KDM4B: variants seen among roughly 807,000 people sequenced by gnomAD.
KDM4B encodes the protein lysine demethylase 4B.
A neutral mutation model predicts 125.2 loss-of-function variants in KDM4B; 32 were observed. That is an observed-to-expected ratio of 0.26 (90% CI 0.19 to 0.34). KDM4B has a LOEUF of 0.34. Ranked by LOEUF, KDM4B falls within the 10% of genes least tolerant of loss-of-function variation. The probability of loss-of-function intolerance (pLI) is 1.00; values close to 1 mark genes in which losing one functional copy is unlikely to be tolerated. For synonymous variants in KDM4B, 721 were observed against 677.9 expected (o/e 1.06, Z -0.99); for missense variants, 1,190 against 1,577.7 (o/e 0.75, Z 4.16).
chr19:5,007,817 T>C (rs1380985733), intron 1 of KDM4B, among the ~76,000 whole-genome samples: 1 of 152,202 alleles, frequency 6.6e-6, no homozygotes, highest in Non-Finnish European at 1.5e-5. Context: ...CCTGCCAAAG[T>C]GCTGGGATTA....
chr19:5,020,091 G>T (rs935762455), intron 2 of KDM4B, among the ~76,000 whole-genome samples: 16 of 143,876 alleles, frequency 1.1e-4, no homozygotes, highest in Non-Finnish European at 2.3e-4. Context: ...GTGGATGTTG[G>T]TGTGCAGGTG....
chr19:4,986,757 A>G (rs866662070), intron 1 of KDM4B, among the ~76,000 whole-genome samples: 43 of 152,316 alleles, frequency 2.8e-4, no homozygotes, highest in African/African-American at 1.0e-3. Context: ...ATTTGGGACA[A>G]GAGTGCTCCA....
intron 3 of KDM4B, among the ~76,000 whole-genome samples, chr19:5,039,188 G>A (rs961301495): frequency 1.7e-4 from 26 of 152,202 alleles, no homozygotes; most frequent in African/African-American, 6.0e-4. Context: ...TCACATCTGT[G>A]ATCCCAGCAC....
rs200324591 is a variant in KDM4B, at chr19:5,077,386, G to A, written c.696G>A (p.Ser232=). 109 of 1,613,018 alleles carry A rather than the reference G, an allele frequency of 6.8e-5. No individual in the cohort carries two copies. In the African/African-American group the frequency reaches 1.1e-3, roughly 17 times the overall value. Residue 232 remains serine (S), a synonymous_variant, in exon 8 of 23, where the codon TCG becomes TCA. Coordinates refer to ENST00000159111, the MANE Select transcript of KDM4B (RefSeq NM_015015.3). ...CCCTAGGCTTCTTCCCCGGGAGCTCGCAGGGCTGCGACGCCTTCCTGCGGC... is the reference window on the plus strand; with the variant it reads ...CCCTAGGCTTCTTCCCCGGGAGCTCACAGGGCTGCGACGCCTTCCTGCGGC... The part of the protein sequence containing the change: ...RLAIGFFPGS[S]QGCDAFLRHK...
intron 9 of KDM4B, among the ~76,000 whole-genome samples, chr19:5,089,445 C>T (rs1312879007): frequency 1.3e-5 from 2 of 152,100 alleles, no homozygotes; most frequent in East Asian, 3.8e-4. Flanking sequence ...TGTTATGCAG[C>T]TGTGAAAATG....
intron 1 of KDM4B, among the ~76,000 whole-genome samples, chr19:4,992,644 C>G (rs1376588356): frequency 6.6e-6 from 1 of 152,074 alleles, no homozygotes; most frequent in African/African-American, 2.4e-5. Context: ...GAGAGGAGGT[C>G]TCACTATATT....
At chr19:5,060,840 G>C (rs1036242321) in intron 6 of KDM4B, among the ~76,000 whole-genome samples, 3 of 152,228 alleles carry the variant, frequency 2.0e-5, no homozygotes, top group African/African-American at 4.8e-5. Flanking sequence ...TGGCGAGGCT[G>C]AGGGAAAAAC....
intron 6 of KDM4B, among the ~76,000 whole-genome samples, chr19:5,060,433 C>CA (rs901472663): frequency 0.047 from 1,531 of 32,890 alleles, 145 homozygotes; most frequent in Non-Finnish European, 0.076. Flanking sequence ...ACTCTGTCTC[C>CA]AAAAAAAAAA....
intron 13 of KDM4B, 65 bp downstream of exon 13, chr19:5,132,072 G>C (rs900368746): frequency 6.0e-6 from 9 of 1,491,648 alleles, no homozygotes; most frequent in African/African-American, 1.4e-5. Context: ...CTGCTGGAGG[G>C]GGGGCCTGGC....
intron 2 of KDM4B, among the ~76,000 whole-genome samples, chr19:5,021,231 C>T (rs1332005488): frequency 1.3e-5 from 2 of 151,982 alleles, no homozygotes; most frequent in Non-Finnish European, 2.9e-5. Flanking sequence ...GCCACTCTGA[C>T]ATCATGTGCT....
intron 21 of KDM4B, among the ~76,000 whole-genome samples, chr19:5,148,993 G>A (rs1382127203): frequency 1.3e-5 from 2 of 152,238 alleles, no homozygotes; most frequent in Admixed American, 1.3e-4. Flanking sequence ...CCATCTGAGA[G>A]TCCACACTGG....
chr19:5,111,345 C>G (rs1023811284), intron 10 of KDM4B: 1 of 755,096 alleles, frequency 1.3e-6, no homozygotes, highest in Admixed American at 1.7e-5. Context: ...GGCCCCGGGG[C>G]GTGACCCTGG....
rs1337488576 is a variant in KDM4B, at chr19:5,114,352, C to T, written c.1115+3534C>T. 3 of 712,788 alleles carry T rather than the reference C, an allele frequency of 4.2e-6. No homozygotes were observed. Among genetic ancestry groups the T allele is most frequent in the South Asian group, 1.4e-5 (1 of 69,568 alleles). 44.2% of individuals were successfully genotyped at this position (712,788 alleles called of 1,614,324 possible). The stretch of plus-strand genomic sequence containing the variant: ...CTCCGAGCTCGGTGCTGCCTGTCCC[C>T]TCCTGCTCTGCCTTGGCCTGTCGCC... On this transcript the variant is annotated intron_variant, in intron 10 of 22. Transcript: ENST00000159111. This position sits in a 1 kb window ranked among gnomAD's most constrained non-coding sequence, Gnocchi z 5.8.
intron 9 of KDM4B, among the ~76,000 whole-genome samples, chr19:5,093,253 C>T (rs556965216): frequency 1.3e-5 from 2 of 152,302 alleles, no homozygotes; most frequent in South Asian, 2.1e-4. Context: ...CTGATAGACT[C>T]GAGGCTACTT....
rs1324942366 is a variant in KDM4B at position 5,035,910 on chromosome 19, A to G, written c.141+2879A>G. Reference sequence around the variant, plus strand: ...GCGCGCGCGCGCCTGCGCGCACAGGAGACTGAGGTGGGGAGGCAGCTCTCA... The same window carrying G: ...GCGCGCGCGCGCCTGCGCGCACAGGGGACTGAGGTGGGGAGGCAGCTCTCA... On this transcript the variant is annotated intron_variant, in intron 3 of 22. Coordinates refer to ENST00000159111, the MANE Select transcript of KDM4B (RefSeq NM_015015.3). This position sits in a 1 kb window ranked among gnomAD's most constrained non-coding sequence, Gnocchi z 5.3. Among the ~76,000 whole-genome samples, 1 of 143,844 alleles carries G rather than the reference A, an allele frequency of 7.0e-6. No individual in the cohort carries two copies. Among genetic ancestry groups the G allele is most frequent in the African/African-American group, 2.7e-5 (1 of 37,546 alleles). 94.4% of individuals were successfully genotyped at this position (143,844 alleles called of 152,430 possible). A position where few individuals can be genotyped will look rare whatever the true frequency, so the allele number is the denominator to read the frequency against.
chr19:5,080,147 C>G (rs1351413115), intron 8 of KDM4B, among the ~76,000 whole-genome samples: 1 of 152,202 alleles, frequency 6.6e-6, no homozygotes, highest in Admixed American at 6.5e-5. Context: ...ACACTGACTT[C>G]CCTTGATTGG....
intron 1 of KDM4B, among the ~76,000 whole-genome samples, chr19:5,010,312 C>A (rs2035687893): frequency 6.6e-6 from 1 of 152,206 alleles, no homozygotes; most frequent in African/African-American, 2.4e-5. Flanking sequence ...GCTGCTCCTT[C>A]CCTGTGCAGT....
At chr19:5,037,170 C>T (rs563333899) in intron 3 of KDM4B, among the ~76,000 whole-genome samples, 4 of 152,348 alleles carry the variant, frequency 2.6e-5, no homozygotes, top group Admixed American at 2.6e-4. Flanking sequence ...GAATTCACGG[C>T]TTCCCCTCGG....
chr19:4,972,251 A>C (rs2034285822), intron 1 of KDM4B, among the ~76,000 whole-genome samples: 1 of 152,050 alleles, frequency 6.6e-6, no homozygotes, highest in South Asian at 2.1e-4. Flanking sequence ...AGTTGGAGAG[A>C]CCTGGATTCA....
Sources: allele counts gnomAD v4.1 joint callset (sites outside exome capture counted in the v4.1 genomes callset), GRCh38; gene constraint gnomAD v4.1.1; non-coding constraint Gnocchi (gnomAD v3.1); transcripts MANE v1.5; gene names NCBI Gene and HGNC (gene_info 2026-07-23, HGNC 2026-07-21).